The following SOBP variants were observed in gnomAD, a reference collection of about 807,000 sequenced individuals.
The protein encoded by SOBP is sine oculis-binding protein homolog.
A neutral mutation model predicts 53.6 loss-of-function variants in SOBP; 4 were observed. That is an observed-to-expected ratio of 0.07 (90% CI 0.04 to 0.17). The LOEUF is 0.17. SOBP is among the 10% of genes least tolerant of loss of function. The probability of loss-of-function intolerance (pLI) is 1.00; values close to 1 mark genes in which losing one functional copy is unlikely to be tolerated. For missense variants in SOBP, 1,088 were observed against 1,204.7 expected, an observed-to-expected ratio of 0.90 and a Z score of 1.43; for synonymous variants, 584 against 522.6, an observed-to-expected ratio of 1.12 and a Z score of -1.60.
chr6:107,570,359 A>T (rs993021855), intron 4 of SOBP, among the ~76,000 whole-genome samples: 2 of 152,212 alleles, frequency 1.3e-5, no homozygotes, highest in Admixed American at 6.5e-5. Context: ...ATCTCCTTGT[A>T]TCTTTTAGCC....
At chr6:107,653,994 G>A (rs1234650786) in intron 6 of SOBP, among the ~76,000 whole-genome samples, 1 of 152,202 alleles carries the variant, frequency 6.6e-6, no homozygotes, top group Non-Finnish European at 1.5e-5. Flanking sequence ...TGTTATAAAG[G>A]TGGATGAGTA....
At chr6:107,528,385 G>C (rs1469565261) in intron 3 of SOBP, among the ~76,000 whole-genome samples, 1 of 152,180 alleles carries the variant, frequency 6.6e-6, no homozygotes, top group Non-Finnish European at 1.5e-5. Flanking sequence ...ATGTTCTGCT[G>C]TGAGCCCTGC....
At chr6:107,606,596 A>G (rs1390699696) in intron 5 of SOBP, among the ~76,000 whole-genome samples, 1 of 152,208 alleles carries the variant, frequency 6.6e-6, no homozygotes, top group Non-Finnish European at 1.5e-5. Flanking sequence ...GCTAATAGCT[A>G]TCTAAATCCC....
intron 6 of SOBP, among the ~76,000 whole-genome samples, chr6:107,648,087 C>T (rs1771637277): frequency 6.6e-6 from 1 of 152,202 alleles, no homozygotes; most frequent in African/African-American, 2.4e-5. Context: ...TTTCCCAGAC[C>T]TCATCTAAAT....
chr6:107,604,701 G>A (rs1292455643), intron 5 of SOBP, among the ~76,000 whole-genome samples: 1 of 152,142 alleles, frequency 6.6e-6, no homozygotes, highest in African/African-American at 2.4e-5. Context: ...CTGTGAGGGC[G>A]CCCCCAGTGA....
chr6:107,525,988 C>G (rs1018667292), intron 3 of SOBP, among the ~76,000 whole-genome samples: 2 of 152,008 alleles, frequency 1.3e-5, no homozygotes, highest in Non-Finnish European at 2.9e-5. Flanking sequence ...GCTCTTGTTG[C>G]CCGGGCTGGA....
chr6:107,603,000 C>T (rs1250737852), intron 5 of SOBP, among the ~76,000 whole-genome samples: 1 of 151,810 alleles, frequency 6.6e-6, no homozygotes, highest in African/African-American at 2.4e-5. Flanking sequence ...CTTCCATTAT[C>T]TGTTTACTGA....
At chr6:107,537,934 T>G (rs373764967) in intron 4 of SOBP, among the ~76,000 whole-genome samples, 1 of 152,038 alleles carries the variant, frequency 6.6e-6, no homozygotes, top group South Asian at 2.1e-4. Flanking sequence ...TAAGGATGCA[T>G]TAAAAAGAAA....
At chr6:107,556,748 T>C (rs1784622427) in intron 4 of SOBP, among the ~76,000 whole-genome samples, 1 of 152,186 alleles carries the variant, frequency 6.6e-6, no homozygotes, top group Non-Finnish European at 1.5e-5. Context: ...TGGGCAGGTC[T>C]TTCAGCCGCT....
chr6:107,626,607 C>G (rs1583286416), intron 5 of SOBP, among the ~76,000 whole-genome samples: 1 of 152,096 alleles, frequency 6.6e-6, no homozygotes, highest in African/African-American at 2.4e-5. Flanking sequence ...CATGATGGGC[C>G]CTGAATAAAT....
chr6:107,645,725 T>C (rs846960), intron 6 of SOBP, among the ~76,000 whole-genome samples: 2 of 152,064 alleles, frequency 1.3e-5, no homozygotes, highest in African/African-American at 4.8e-5. Context: ...AGCGTCTCCA[T>C]AGAGGAACAG....
At chr6:107,587,020 T>C (rs1172902513) in intron 4 of SOBP, 60 bp from the exon 5 acceptor site, 1 of 1,292,124 alleles carries the variant, frequency 7.7e-7, no homozygotes, top group East Asian at 2.3e-5. Context: ...GTTATGCTTT[T>C]TAGCTTTTTT....
chr6:107,564,581 ATAG>A (rs1784865089), intron 4 of SOBP, among the ~76,000 whole-genome samples: 2 of 151,978 alleles, frequency 1.3e-5, no homozygotes, highest in Admixed American at 6.6e-5. Flanking sequence ...GTTGTTGACC[ATAG>A]CTCTGTGATT....
At chr6:107,521,321 G>A (rs1354715609) in intron 3 of SOBP, among the ~76,000 whole-genome samples, 1 of 151,422 alleles carries the variant, frequency 6.6e-6, no homozygotes, top group East Asian at 1.9e-4. Flanking sequence ...CATTTCACTT[G>A]GTAATAATTC....
Position 107,578,575 on chromosome 6 carries a change from G to C in SOBP, c.574-8505G>C, listed in dbSNP as rs575142164. 5.3e-5 allele frequency among the ~76,000 whole-genome samples: 8 copies of C among 152,272 alleles called. No homozygotes were observed. In the South Asian group the frequency reaches 1.7e-3, roughly 32 times the overall value. ...CCCCAGCTTCTTCATATATAAAATG[G>C]AGATAATGATAGTACCTACTTCATA... On this transcript the variant is annotated intron_variant, in intron 4 of 6. Transcript: ENST00000317357.
chr6:107,495,983 T>A (rs1178308795), intron 1 of SOBP, among the ~76,000 whole-genome samples: 2 of 151,792 alleles, frequency 1.3e-5, no homozygotes, highest in African/African-American at 4.8e-5. Flanking sequence ...TATTACAGGT[T>A]AGAAGAGGAA....
At chr6:107,559,298 C>T (rs1334893884) in intron 4 of SOBP, among the ~76,000 whole-genome samples, 10 of 152,042 alleles carry the variant, frequency 6.6e-5, no homozygotes, top group Non-Finnish European at 2.9e-5. Context: ...GCTACACCGA[C>T]GTAAAGGGTG....
chr6:107,503,650 C>G lies in SOBP; in HGVS notation c.97-7C>G. Reference sequence around the variant, plus strand: ...GAAATAAGTAGTAGCCTATGCTTCTCTTTCAGAACTTTGCAGAAAACACCA... The same window carrying G: ...GAAATAAGTAGTAGCCTATGCTTCTGTTTCAGAACTTTGCAGAAAACACCA... On this transcript the variant is annotated splice_region_variant and splice_polypyrimidine_tract_variant and intron_variant, in intron 1 of 6. Transcript: ENST00000317357. 1.2e-6 allele frequency: 2 copies of G among 1,614,050 alleles called. No individual in the cohort carries two copies. The highest frequency in any genetic ancestry group is 1.7e-6 in the Non-Finnish European group (2 of 1,179,942).
intron 6 of SOBP, among the ~76,000 whole-genome samples, chr6:107,654,864 G>T (rs57814309): frequency 6.6e-6 from 1 of 151,170 alleles, no homozygotes; most frequent in East Asian, 2.0e-4. Flanking sequence ...CAAGGCTCTG[G>T]GGGAGGGTGA....
Sources: gnomAD v4.1 joint callset for allele counts (sites outside exome capture counted in the v4.1 genomes callset) on GRCh38, gnomAD v4.1.1 for gene constraint, MANE v1.5 for transcripts, NCBI Gene and HGNC (gene_info 2026-07-23, HGNC 2026-07-21) for gene names.